Variants in USO1 observed in about 807,000 individuals in gnomAD.
USO1 encodes general vesicular transport factor p115.
Under a neutral mutation model 124.5 loss-of-function variants are expected in USO1, and 57 were observed. The observed-to-expected ratio is 0.46, with a 90% CI of 0.37 to 0.57. The LOEUF (loss-of-function observed/expected upper bound fraction) is 0.57, where lower values mean the gene tolerates loss of function less well. Among genes scored for constraint, USO1 ranks in the 20% least tolerant of loss-of-function variants. The probability of loss-of-function intolerance (pLI) is 0.00; values close to 1 mark genes in which losing one functional copy is unlikely to be tolerated. For synonymous variants in USO1, 369 were observed against 362.8 expected, an observed-to-expected ratio of 1.02 and a Z score of -0.19; for missense variants, 900 against 1,040.6, an observed-to-expected ratio of 0.86 and a Z score of 1.86.
chr4:75,759,636 C>T (rs1390368989), intron 4 of USO1, among the ~76,000 whole-genome samples: 3 of 150,568 alleles, frequency 2.0e-5, no homozygotes, highest in Admixed American at 6.6e-5. Flanking sequence ...TGGCTGGGCA[C>T]GGTGGCTCAC....
intron 4 of USO1, 114 bp from the exon 5 acceptor site, chr4:75,770,325 C>T (rs1352650411): frequency 3.3e-6 from 3 of 923,036 alleles, no homozygotes; most frequent in Non-Finnish European, 4.6e-6. Context: ...CCACACTGTT[C>T]CAGTGTTGAA....
intron 12 of USO1, among the ~76,000 whole-genome samples, chr4:75,793,425 G>A (rs556727477): frequency 2.6e-5 from 4 of 151,836 alleles, no homozygotes; most frequent in Non-Finnish European, 2.9e-5. Flanking sequence ...AATTACAGGC[G>A]TGAGCCACCA....
chr4:75,740,746 A>G (rs1560436052), intron 1 of USO1, among the ~76,000 whole-genome samples: 1 of 152,200 alleles, frequency 6.6e-6, no homozygotes, highest in Non-Finnish European at 1.5e-5. Flanking sequence ...TAATATGGAA[A>G]TTTCTTTAAT....
chr4:75,746,886 G>T (rs1419720412), intron 1 of USO1, among the ~76,000 whole-genome samples: 1 of 152,180 alleles, frequency 6.6e-6, no homozygotes, highest in African/African-American at 2.4e-5. Context: ...TCCATTAAAG[G>T]TATATATGAT....
At chr4:75,797,943 C>T (rs1406472093) in intron 13 of USO1, among the ~76,000 whole-genome samples, 2 of 152,164 alleles carry the variant, frequency 1.3e-5, no homozygotes, top group East Asian at 3.8e-4. Context: ...TATAAATTAA[C>T]TTAGAATTAA....
intron 17 of USO1, 104 bp from the exon 18 acceptor site, chr4:75,804,030 T>C: frequency 6.9e-7 from 1 of 1,445,728 alleles, no homozygotes; most frequent in South Asian, 1.5e-5. Flanking sequence ...GTTAAGCACT[T>C]TAGCATACTG....
At position 75,800,816 on chromosome 4, in the gene USO1, A is replaced by G; in HGVS notation, c.1864+17A>G. On this transcript the variant is annotated intron_variant, in intron 16 of 23. Transcript: ENST00000514213. The stretch of plus-strand genomic sequence containing the variant: ...AACTTGAAGGTAAGACTGAAGATTT[A>G]TATTGATATTTGATGGAAAGTAATT... The G allele has an allele frequency of 6.2e-7, 1 of 1,605,842 alleles. No individual in the cohort carries two copies. The highest frequency in any genetic ancestry group is 8.5e-7 in the Non-Finnish European group (1 of 1,175,882).
At chr4:75,731,561 C>CAAAAAAAA (rs35766448) in intron 1 of USO1, among the ~76,000 whole-genome samples, 1 of 138,184 alleles carries the variant, frequency 7.2e-6, no homozygotes, top group Non-Finnish European at 1.6e-5. Flanking sequence ...GACTCCGTCT[C>CAAAAAAAA]AAAAAAAAAA....
At chr4:75,753,329 T>C (rs1721341676) in intron 3 of USO1, among the ~76,000 whole-genome samples, 1 of 151,058 alleles carries the variant, frequency 6.6e-6, no homozygotes, top group African/African-American at 2.4e-5. Context: ...AGGTCAGGAG[T>C]TCGAGACCAG....
At position 75,778,345 on chromosome 4, in the gene USO1, G is replaced by A. The variant is rs548317224; in HGVS notation, c.676+3549G>A. ...GAAAACATTAAAATCAGAGGGAAGA[G>A]AAAATATATTTACTGTTCATTAAGT... On this transcript the variant is annotated intron_variant, in intron 8 of 23. Transcript: ENST00000514213. Among the ~76,000 whole-genome samples the A allele has an allele frequency of 3.9e-5, 6 of 152,244 alleles. No individual in the cohort carries two copies. In the South Asian group the frequency reaches 1.0e-3, roughly 26 times the overall value.
At chr4:75,762,373 A>T (rs1361197087) in intron 4 of USO1, among the ~76,000 whole-genome samples, 1 of 151,846 alleles carries the variant, frequency 6.6e-6, no homozygotes, top group Non-Finnish European at 1.5e-5. Context: ...TATATTGGCC[A>T]GGATGGTCTC....
intron 8 of USO1, 78 bp downstream of exon 8, chr4:75,774,874 G>A (rs1292195522): frequency 6.8e-7 from 1 of 1,463,588 alleles, no homozygotes; most frequent in Non-Finnish European, 9.1e-7. Flanking sequence ...TACAGTTGGA[G>A]GGAGAAATGG....
chr4:75,786,897 A>G (rs182388013), intron 9 of USO1, among the ~76,000 whole-genome samples, 165 bp from the exon 10 acceptor site: 158 of 152,348 alleles, frequency 1.0e-3, no homozygotes, highest in African/African-American at 3.7e-3. Flanking sequence ...TAATATTACT[A>G]TCACAGAACT....
intron 4 of USO1, among the ~76,000 whole-genome samples, chr4:75,760,408 G>A (rs144840316): frequency 4.7e-4 from 72 of 152,208 alleles, no homozygotes; most frequent in Non-Finnish European, 8.1e-4. Flanking sequence ...AAAATATAGC[G>A]TATGCTAAAT....
intron 1 of USO1, among the ~76,000 whole-genome samples, chr4:75,749,918 A>G (rs1721256436): frequency 6.6e-6 from 1 of 151,858 alleles, no homozygotes; most frequent in African/African-American, 2.4e-5. Flanking sequence ...GGCCCAGCTA[A>G]TTTTTATTGC....
At chr4:75,781,261 G>A (rs909647094) in intron 8 of USO1, among the ~76,000 whole-genome samples, 2 of 152,114 alleles carry the variant, frequency 1.3e-5, no homozygotes, top group African/African-American at 4.8e-5. Context: ...AAATGTGATT[G>A]AATTTTTGCA....
rs1180101340 is a variant in USO1 at position 75,753,780 on chromosome 4, ATT to A, written c.218+1196_218+1197del. On this transcript the variant is annotated intron_variant, in intron 3 of 23. Transcript: ENST00000514213. ...ATTTAGCCCATTTTTAGCTCTTTCA[ATT>A]TTTTTTTTTTTTTTTTTTTGAGATT... Among the ~76,000 whole-genome samples the A allele has an allele frequency of 2.4e-4, 30 of 125,682 alleles. No individual in the cohort carries two copies. The East Asian group carries it at 3.1e-3, about 13-fold the overall frequency. The allele number at this position is 125,682 out of a possible 152,430, so 82.5% of individuals were successfully genotyped here.
At position 75,760,445 on chromosome 4, in the gene USO1, A is replaced by G. The variant is rs1721573058; in HGVS notation, c.295+2872A>G. 8.2e-6 allele frequency: 3 copies of G among 367,022 alleles called. No homozygotes were observed. The South Asian group carries it at 4.5e-4, about 55-fold the overall frequency. The allele number at this position is 367,022 out of a possible 1,614,324, so 22.7% of individuals were successfully genotyped here. On this transcript the variant is annotated intron_variant, in intron 4 of 23. Coordinates refer to ENST00000514213, the MANE Select transcript of USO1 (RefSeq NM_003715.4). ...TCTTTTAGTATATCTGAGGTATTTGACCAAAGTACATATGGATCTCTTCTT... is the reference window on the plus strand; with the variant it reads ...TCTTTTAGTATATCTGAGGTATTTGGCCAAAGTACATATGGATCTCTTCTT...
chr4:75,780,935 C>G, intron 8 of USO1, among the ~76,000 whole-genome samples: 1 of 152,124 alleles, frequency 6.6e-6, no homozygotes, highest in Non-Finnish European at 1.5e-5. Context: ...GTGTGAGTCA[C>G]TGCACCCAGC....
Sources: gnomAD v4.1 joint callset for allele counts (sites outside exome capture counted in the v4.1 genomes callset) on GRCh38, gnomAD v4.1.1 for gene constraint, MANE v1.5 for transcripts, NCBI Gene and HGNC (gene_info 2026-07-23, HGNC 2026-07-21) for gene names.